The following TULP3 variants were observed in gnomAD, a reference collection of about 807,000 sequenced individuals.
TULP3 encodes TUB like protein 3.
In TULP3, 38 loss-of-function variants were observed where a neutral mutation model predicts 50.7. The observed-to-expected ratio is 0.75, with a 90% confidence interval of 0.58 to 0.98. The LOEUF (loss-of-function observed/expected upper bound fraction) is 0.98. TULP3 is among the 50% of genes least tolerant of loss of function. The pLI is 0.00. For synonymous variants in TULP3, 183 were observed against 196.6 expected (o/e 0.93, Z 0.58); for missense variants, 550 against 568.0 (o/e 0.97, Z 0.32).
intron 1 of TULP3, among the ~76,000 whole-genome samples, chr12:2,900,795 A>C (rs1223552798): frequency 6.6e-6 from 1 of 151,390 alleles, no homozygotes; most frequent in African/African-American, 2.4e-5. Context: ...ACGATAGCTC[A>C]ACCTCCTGGG....
At chr12:2,936,059 G>GCCT (rs2098201061) in intron 8 of TULP3, among the ~76,000 whole-genome samples, 1 of 152,050 alleles carries the variant, frequency 6.6e-6, no homozygotes, top group African/African-American at 2.4e-5. Context: ...CTGAAGTCAG[G>GCCT]AGGTGGAGAC....
chr12:2,929,174 G>A (rs969868270), intron 4 of TULP3, among the ~76,000 whole-genome samples: 40 of 152,080 alleles, frequency 2.6e-4, no homozygotes, highest in African/African-American at 8.9e-4. Context: ...AAAATTAGCC[G>A]GGCATGGTGG....
chr12:2,930,134 T>C lies in TULP3; in HGVS notation c.395-114T>C, dbSNP rs80210720. 472 of 716,834 alleles carry C rather than the reference T, an allele frequency of 6.6e-4. 2 individuals are homozygous for C. In the Admixed American group the frequency reaches 9.2e-3, roughly 14 times the overall value. 44.4% of individuals were successfully genotyped at this position (716,834 alleles called of 1,614,324 possible). The stretch of plus-strand genomic sequence containing the variant: ...TATGTATTTGGACAAAATAGTTGTG[T>C]TTACGGTCAGAATAGTTAAGAATGT... On this transcript the variant is annotated intron_variant, in intron 4 of 10. Transcript: ENST00000448120.
chr12:2,905,078 C>G (rs917663984), intron 1 of TULP3, among the ~76,000 whole-genome samples: 2 of 25,592 alleles, frequency 7.8e-5, no homozygotes, highest in African/African-American at 3.0e-4. Context: ...GAGTGAGACT[C>G]TGTCTCAAAA....
chr12:2,922,759 T>C (rs116669321), intron 4 of TULP3, among the ~76,000 whole-genome samples: 1,776 of 152,314 alleles, frequency 0.012, 38 homozygotes, highest in African/African-American at 0.04. Context: ...TTGGTGATGA[T>C]TGATAGCCTT....
chr12:2,893,801 AT>A (rs2098173737), intron 1 of TULP3, among the ~76,000 whole-genome samples: 2 of 143,560 alleles, frequency 1.4e-5, no homozygotes, highest in Non-Finnish European at 3.1e-5. Context: ...AACTACAAAT[AT>A]TTTTTTTAAT....
At position 2,894,650 on chromosome 12, in the gene TULP3, C is replaced by T. The variant is rs556167738; in HGVS notation, c.41+3662C>T. Among the ~76,000 whole-genome samples the T allele has an allele frequency of 1.1e-3, 169 of 152,130 alleles. 1 individual carries two copies. The highest frequency in any genetic ancestry group is 3.8e-3 in the African/African-American group (157 of 41,496). On this transcript the variant is annotated intron_variant, in intron 1 of 10. Transcript: ENST00000448120. ...GTGGCTCATGCCTGTAATCCCAGCA[C>T]TTTGGGAGGCGGAGGTGGGCAGATC...
At position 2,939,775 on chromosome 12, in the gene TULP3, C is replaced by G; in HGVS notation, c.*331C>G. The G allele has an allele frequency of 8.3e-7, 1 of 1,208,538 alleles. No homozygotes were observed. The highest frequency in any genetic ancestry group is 3.6e-5 in the Admixed American group (1 of 27,692). The allele number at this position is 1,208,538 out of a possible 1,614,324, so 74.9% of individuals were successfully genotyped here. On this transcript the variant is annotated 3_prime_UTR_variant, in exon 11 of 11. Coordinates refer to ENST00000448120, the MANE Select transcript of TULP3 (RefSeq NM_003324.5). This position sits in a 1 kb window ranked among gnomAD's most constrained non-coding sequence, Gnocchi z 4.0. Reference sequence around the variant, plus strand: ...ACACACACGAAGAGCAATAGTTTGCCCCTTTTGGAACGACCCCTGAATATA... The same window carrying G: ...ACACACACGAAGAGCAATAGTTTGCGCCTTTTGGAACGACCCCTGAATATA...
chr12:2,890,952 A>C lies in TULP3; in HGVS notation c.5A>C (p.Glu2Ala), dbSNP rs755991024. The change falls in exon 1 of 11, where the codon GAG (glutamate) becomes GCG (alanine). Residue 2 changes from glutamate to alanine, a missense_variant. By Grantham distance (107) the Glu-to-Ala change is moderately radical. Transcript: ENST00000448120. ...GGGGCTTCCTCGGTGGCGGGCATGG[A>C]GGCTTCGCGCTGCCGGCTCAGTCCC... The part of the protein sequence containing the change: M[E>A]ASRCRLSPSG... 5 of 1,596,424 alleles carry C rather than the reference A, an allele frequency of 3.1e-6. No individual in the cohort carries two copies. In the Admixed American group the frequency reaches 8.6e-5, roughly 27 times the overall value.
At chr12:2,918,380 G>A (rs2098189872) in intron 2 of TULP3, among the ~76,000 whole-genome samples, 1 of 151,890 alleles carries the variant, frequency 6.6e-6, no homozygotes, top group Non-Finnish European at 1.5e-5. Context: ...CCAAACTGCT[G>A]GGATTACAGG....
chr12:2,929,525 C>T (rs1364981204), intron 4 of TULP3, among the ~76,000 whole-genome samples: 1 of 152,170 alleles, frequency 6.6e-6, no homozygotes, highest in East Asian at 1.9e-4. Context: ...TGGCCTCAAG[C>T]AGTCCTTCTG....
intron 5 of TULP3, 81 bp downstream of exon 5, chr12:2,930,426 T>A: frequency 1.1e-6 from 1 of 951,644 alleles, no homozygotes; most frequent in East Asian, 2.8e-5. Flanking sequence ...TTATTTATTA[T>A]TATTATGTAT....
chr12:2,917,646 G>C (rs937899575), intron 2 of TULP3, among the ~76,000 whole-genome samples: 1 of 152,038 alleles, frequency 6.6e-6, no homozygotes, highest in Non-Finnish European at 1.5e-5. Context: ...AGGAGGCCAA[G>C]GCGGGCGGAT....
intron 2 of TULP3, among the ~76,000 whole-genome samples, chr12:2,919,632 A>G (rs1043349676): frequency 2.0e-5 from 3 of 152,132 alleles, no homozygotes; most frequent in African/African-American, 7.2e-5. Flanking sequence ...ATTTTTTAGC[A>G]TGGGGCTTAA....
At chr12:2,897,032 G>A (rs1018764799) in intron 1 of TULP3, among the ~76,000 whole-genome samples, 13 of 150,384 alleles carry the variant, frequency 8.6e-5, no homozygotes, top group Admixed American at 4.0e-4. Context: ...TTTTTTTTTT[G>A]GAGTCTCGCT....
chr12:2,919,473 T>C (rs74054800), intron 2 of TULP3, among the ~76,000 whole-genome samples: 18 of 152,320 alleles, frequency 1.2e-4, no homozygotes, highest in African/African-American at 4.1e-4. Context: ...CACTTCCTTT[T>C]TTGATAGTCT....
chr12:2,902,826 G>T (rs1346777006), intron 1 of TULP3, among the ~76,000 whole-genome samples: 1 of 150,976 alleles, frequency 6.6e-6, no homozygotes, highest in South Asian at 2.1e-4. Flanking sequence ...GAAATACTGT[G>T]TGAGCATAAT....
At chr12:2,913,595 G>T (rs978667760) in intron 2 of TULP3, among the ~76,000 whole-genome samples, 2 of 151,190 alleles carry the variant, frequency 1.3e-5, no homozygotes, top group Admixed American at 1.3e-4. Context: ...TACACTTTCC[G>T]TGGTTTATTT....
chr12:2,905,406 G>A (rs1258857781), intron 1 of TULP3, among the ~76,000 whole-genome samples: 2 of 151,892 alleles, frequency 1.3e-5, no homozygotes, highest in Non-Finnish European at 2.9e-5. Context: ...GGATGGTCTC[G>A]ATCTCTTGAC....
Sources: allele counts gnomAD v4.1 joint callset (sites outside exome capture counted in the v4.1 genomes callset), GRCh38; gene constraint gnomAD v4.1.1; non-coding constraint Gnocchi (gnomAD v3.1); transcripts MANE v1.5; gene names NCBI Gene and HGNC (gene_info 2026-07-23, HGNC 2026-07-21).